The following TNKS variants were observed in gnomAD, a reference collection of about 807,000 sequenced individuals.
The protein encoded by TNKS is poly [ADP-ribose] polymerase tankyrase-1.
Under a neutral mutation model 135.8 loss-of-function variants are expected in TNKS, and 72 were observed. The ratio of observed to expected loss-of-function variants is 0.53; its 90% CI spans 0.44 to 0.64. The LOEUF (loss-of-function observed/expected upper bound fraction) is 0.64. Among genes scored for constraint, TNKS ranks in the 30% least tolerant of loss-of-function variants. The probability of loss-of-function intolerance (pLI) is 0.00; values close to 1 mark genes in which losing one functional copy is unlikely to be tolerated. For synonymous variants in TNKS, 849 were observed against 649.3 expected, an observed-to-expected ratio of 1.31 and a Z score of -4.68; for missense variants, 1,769 against 1,674.0, an observed-to-expected ratio of 1.06 and a Z score of -0.99.
intron 3 of TNKS, among the ~76,000 whole-genome samples, chr8:9,638,233 C>T (rs1370354398): frequency 6.6e-6 from 1 of 152,208 alleles, no homozygotes; most frequent in South Asian, 2.1e-4. Flanking sequence ...CCGCAGCCTC[C>T]TAAAGCGTTG....
chr8:9,625,236 A>G (rs757104866), intron 3 of TNKS, among the ~76,000 whole-genome samples: 19 of 152,032 alleles, frequency 1.2e-4, no homozygotes, highest in Admixed American at 6.5e-4. Context: ...TTTTTATCAG[A>G]TATTTGGTGC....
chr8:9,605,035 A>G (rs1799161932), intron 2 of TNKS, among the ~76,000 whole-genome samples: 1 of 152,046 alleles, frequency 6.6e-6, no homozygotes, highest in Admixed American at 6.5e-5. Flanking sequence ...GTTTGAAGTA[A>G]TGAAATAAAA....
At chr8:9,771,239 AAAGG>A (rs1807818450) in intron 26 of TNKS, among the ~76,000 whole-genome samples, 1 of 118,278 alleles carries the variant, frequency 8.5e-6, no homozygotes, top group Non-Finnish European at 1.8e-5. Flanking sequence ...GAGAGCGAGG[AAAGG>A]AGGGAGGGAG....
rs771425877 is a variant in TNKS at position 9,776,724 on chromosome 8, G to A, written c.3972G>A (p.Glu1324=). Residue 1324 remains glutamate, a synonymous_variant, in exon 27 of 27, where the codon GAG becomes GAA. Coordinates refer to ENST00000310430, the MANE Select transcript of TNKS (RefSeq NM_003747.3). ...EAPSQTATAA[E]QKT is the part of the protein sequence containing the mutation. ...CTTCCCAGACCGCAACAGCCGCAGA[G>A]CAGAAGACCTAGTGAATGCCTGCTG... is the stretch of plus-strand genomic sequence containing the variant. 29 of 1,613,846 alleles carry A rather than the reference G, an allele frequency of 1.8e-5. No individual in the cohort carries two copies. The East Asian group carries it at 6.0e-4, about 33-fold the overall frequency.
At chr8:9,731,344 C>G (rs1805426926) in intron 14 of TNKS, among the ~76,000 whole-genome samples, 1 of 151,524 alleles carries the variant, frequency 6.6e-6, no homozygotes, top group Admixed American at 6.6e-5. Context: ...CCTGTAATCC[C>G]AGCTACTTGG....
intron 19 of TNKS, among the ~76,000 whole-genome samples, chr8:9,752,322 A>C (rs1186044976): frequency 6.6e-6 from 1 of 152,132 alleles, no homozygotes; most frequent in Non-Finnish European, 1.5e-5. Flanking sequence ...ATAATATTAG[A>C]ATACAAATAC....
chr8:9,575,786 T>A (rs982901907), intron 1 of TNKS, among the ~76,000 whole-genome samples: 1 of 152,214 alleles, frequency 6.6e-6, no homozygotes, highest in Non-Finnish European at 1.5e-5. Context: ...ACAGATGCTT[T>A]TATCAATTTG....
At chr8:9,729,465 C>G (rs114755202) in intron 13 of TNKS, among the ~76,000 whole-genome samples, 1 of 152,180 alleles carries the variant, frequency 6.6e-6, no homozygotes, top group Non-Finnish European at 1.5e-5. Flanking sequence ...ATTGTCTGCT[C>G]TGCTTCATTT....
chr8:9,765,433 C>CTATT (rs1381716386), intron 23 of TNKS, among the ~76,000 whole-genome samples: 1 of 151,632 alleles, frequency 6.6e-6, no homozygotes, highest in African/African-American at 2.4e-5. Flanking sequence ...ACCTTTTTAC[C>CTATT]TATTTTTTTT....
intron 2 of TNKS, among the ~76,000 whole-genome samples, chr8:9,593,457 T>C (rs1199934931): frequency 6.6e-6 from 1 of 152,250 alleles, no homozygotes; most frequent in Admixed American, 6.5e-5. Context: ...TTTCATTCTG[T>C]AAGTCTGCCA....
intron 3 of TNKS, among the ~76,000 whole-genome samples, chr8:9,665,557 G>A (rs972107380): frequency 6.6e-6 from 1 of 152,150 alleles, no homozygotes; most frequent in Non-Finnish European, 1.5e-5. Context: ...GTAAAGTTGT[G>A]CATCTCTACA....
In TNKS at chr8:9,752,775, C is replaced by T. The variant is rs187184248; in HGVS notation, c.3153+149C>T. On this transcript the variant is annotated intron_variant, in intron 20 of 26. Coordinates refer to ENST00000310430, the MANE Select transcript of TNKS (RefSeq NM_003747.3). ...TTTGAGACCAGCCTGGGCAACAAAG[C>T]GAGACCCCCATCTCTACAAAAAAAA... 1.2e-3 allele frequency: 601 copies of T among 502,870 alleles called. 1 individual carries two copies. The highest frequency in any genetic ancestry group is 1.8e-3 in the Non-Finnish European group (525 of 293,826). The allele number at this position is 502,870 out of a possible 1,614,324, so 31.2% of individuals were successfully genotyped here. A position where few individuals can be genotyped will look rare whatever the true frequency, so the allele number is the denominator to read the frequency against.
At chr8:9,563,706 A>G (rs990056433) in intron 1 of TNKS, among the ~76,000 whole-genome samples, 1 of 152,072 alleles carries the variant, frequency 6.6e-6, no homozygotes, top group Admixed American at 6.6e-5. Context: ...CTATACGTTC[A>G]TATCTTGTAT....
intron 17 of TNKS, among the ~76,000 whole-genome samples, chr8:9,735,833 A>G (rs548005475): frequency 1.3e-5 from 2 of 152,188 alleles, no homozygotes; most frequent in South Asian, 4.1e-4. Flanking sequence ...AATAAAATCT[A>G]GAAAACTTCC....
In TNKS at chr8:9,677,460, C is replaced by G. The variant is rs1044710875; in HGVS notation, c.995-2491C>G. ...TAAATACTTTGCGGTTTTATTACCA[C>G]TCTTATTGGAGTCATGTTTCACTAC... On this transcript the variant is annotated intron_variant, in intron 3 of 26. Transcript: ENST00000310430. Among the ~76,000 whole-genome samples, 7 of 152,234 alleles carry G rather than the reference C, an allele frequency of 4.6e-5. No individual in the cohort carries two copies. In the East Asian group the frequency reaches 1.4e-3, roughly 29 times the overall value.
intron 5 of TNKS, 97 bp from the exon 6 acceptor site, chr8:9,704,566 G>A: frequency 1.0e-6 from 1 of 972,094 alleles, no homozygotes; most frequent in East Asian, 2.5e-5. Context: ...CAGTATTTTT[G>A]TGTCAACTTT....
intron 8 of TNKS, among the ~76,000 whole-genome samples, chr8:9,707,326 A>T (rs1352849507): frequency 6.6e-6 from 1 of 152,188 alleles, no homozygotes; most frequent in Non-Finnish European, 1.5e-5. Flanking sequence ...GCAGTGTACA[A>T]ACCATTAAAA....
intron 17 of TNKS, among the ~76,000 whole-genome samples, chr8:9,745,636 C>G (rs1471678375): frequency 6.6e-6 from 1 of 152,098 alleles, no homozygotes; most frequent in Non-Finnish European, 1.5e-5. Flanking sequence ...AACTCCTGAC[C>G]TCAAATGATC....
intron 5 of TNKS, among the ~76,000 whole-genome samples, chr8:9,688,331 C>T (rs1803104975): frequency 6.6e-6 from 1 of 152,084 alleles, no homozygotes; most frequent in Admixed American, 6.5e-5. Flanking sequence ...ATTCTTCCAG[C>T]CTGATGAGAA....
Sources: gnomAD v4.1 joint callset for allele counts (sites outside exome capture counted in the v4.1 genomes callset) on GRCh38, gnomAD v4.1.1 for gene constraint, MANE v1.5 for transcripts, NCBI Gene and HGNC (gene_info 2026-07-23, HGNC 2026-07-21) for gene names.